The following GGT1 variants were observed in gnomAD, a reference collection of about 807,000 sequenced individuals.
GGT1 encodes glutathione hydrolase 1 proenzyme.
GGT1 carries 21 observed loss-of-function variants against 56.0 expected under a neutral mutation model. The observed-to-expected ratio is 0.38, with a 90% CI of 0.27 to 0.54. The LOEUF (loss-of-function observed/expected upper bound fraction) is 0.54. Among genes scored for constraint, GGT1 ranks in the 20% least tolerant of loss-of-function variants. The pLI is 0.82. For missense variants in GGT1, 466 were observed against 787.0 expected, an observed-to-expected ratio of 0.59 and a Z score of 4.88; for synonymous variants, 238 against 342.6, an observed-to-expected ratio of 0.69 and a Z score of 3.37.
At position 24,605,021 on chromosome 22, in the gene GGT1, G is replaced by GATATATA. The variant is rs1444676892; in HGVS notation, c.-429+1494_-429+1495insATATATA. ...CCACCTGCTGCTGTGAATCCTGTAT[G>GATATATA]TCATATATATATATAAAATATGTAA... On this transcript the variant is annotated intron_variant, in intron 1 of 15. Transcript: ENST00000400382. Among the ~76,000 whole-genome samples, 195 of 69,178 alleles carry GATATATA rather than the reference G, an allele frequency of 2.8e-3. 18 individuals carry two copies. The highest frequency in any genetic ancestry group is 0.023 in the African/African-American group (175 of 7,764). The allele number at this position is 69,178 out of a possible 152,430, so 45.4% of individuals were successfully genotyped here. A position where few individuals can be genotyped will look rare whatever the true frequency, so the allele number is the denominator to read the frequency against.
At chr22:24,622,843 G>A (rs1311243216) in intron 9 of GGT1, among the ~76,000 whole-genome samples, 6 of 152,208 alleles carry the variant, frequency 3.9e-5, no homozygotes, top group Non-Finnish European at 5.9e-5. Flanking sequence ...GCCCCAGCCC[G>A]GCTGTTGGGT....
At chr22:24,584,379 G>T in the GGT1 span, among the ~76,000 whole-genome samples, 1 of 152,132 alleles carries the variant, frequency 6.6e-6, no homozygotes, top group Admixed American at 6.5e-5. Context: ...AAAGCCTTTG[G>T]GTAAGAAGTC....
intron 1 of GGT1, among the ~76,000 whole-genome samples, chr22:24,604,079 C>A (rs1351090349): frequency 1.3e-5 from 2 of 151,896 alleles, no homozygotes; most frequent in Non-Finnish European, 2.9e-5. Flanking sequence ...ATTCCAACTC[C>A]ACGTCTGGGT....
intron 1 of GGT1, among the ~76,000 whole-genome samples, chr22:24,605,904 T>C (rs2046227030): frequency 1.2e-5 from 1 of 83,640 alleles, no homozygotes; most frequent in South Asian, 3.2e-4. Flanking sequence ...ATATATTATA[T>C]AATATTATAT....
At chr22:24,625,215 G>A (rs549671016) in intron 11 of GGT1, among the ~76,000 whole-genome samples, 5 of 152,138 alleles carry the variant, frequency 3.3e-5, no homozygotes, top group Middle Eastern at 3.2e-3. Context: ...GCAGGATGTC[G>A]GGGTGACACA....
At chr22:24,621,369 G>A (rs536655928) in intron 9 of GGT1, among the ~76,000 whole-genome samples, 4 of 152,152 alleles carry the variant, frequency 2.6e-5, no homozygotes, top group South Asian at 4.2e-4. Context: ...AGGAGGTGGC[G>A]GCTGGGCTGC....
At chr22:24,588,139 T>G in the GGT1 span, 11 of 1,144,782 alleles carry the variant, frequency 9.6e-6, no homozygotes, top group Non-Finnish European at 1.4e-5. Context: ...AGCCTCTTGG[T>G]GAGAGTGCAG....
chr22:24,588,535 C>T, the GGT1 span: 11 of 755,602 alleles, frequency 1.5e-5, no homozygotes, highest in Non-Finnish European at 2.1e-5. Context: ...CCTCTGGGAG[C>T]TGGACAGGCT....
chr22:24,615,007 G>C, intron 6 of GGT1, 34 bp from the exon 7 acceptor site: 1 of 1,586,382 alleles, frequency 6.3e-7, no homozygotes, highest in South Asian at 1.1e-5. Flanking sequence ...AAGGGTTTGG[G>C]TGGGCGGGCC....
intron 9 of GGT1, among the ~76,000 whole-genome samples, chr22:24,622,388 C>T (rs2047479508): frequency 6.6e-6 from 1 of 151,836 alleles, no homozygotes; most frequent in African/African-American, 2.4e-5. Context: ...CACAGTGAAA[C>T]CTGTCTCTAC....
the GGT1 span, among the ~76,000 whole-genome samples, chr22:24,587,132 G>A: frequency 6.6e-6 from 1 of 152,062 alleles, no homozygotes; most frequent in Admixed American, 6.6e-5. Flanking sequence ...TTTTCCCTGT[G>A]CCCCTTCTGA....
intron 10 of GGT1, among the ~76,000 whole-genome samples, chr22:24,623,470 G>A (rs1390486503): frequency 6.6e-6 from 1 of 151,364 alleles, no homozygotes; most frequent in Non-Finnish European, 1.5e-5. Flanking sequence ...GGTTGGAGGA[G>A]GAACAGGAGT....
chr22:24,613,297 C>T (rs1312891864), intron 5 of GGT1, among the ~76,000 whole-genome samples: 1 of 152,022 alleles, frequency 6.6e-6, no homozygotes, highest in Non-Finnish European at 1.5e-5. Context: ...TGGTCTTGAA[C>T]TCCTGGCCTC....
At chr22:24,595,830 A>G (rs2045683751) in intron 1 of GGT1, among the ~76,000 whole-genome samples, 1 of 152,194 alleles carries the variant, frequency 6.6e-6, no homozygotes. Flanking sequence ...CTGGCCTTGC[A>G]CTGCCTCTGG....
upstream of GGT1, among the ~76,000 whole-genome samples, chr22:24,602,548 G>C (rs140692539): frequency 3.2e-4 from 48 of 152,348 alleles, no homozygotes; most frequent in African/African-American, 1.2e-3. Flanking sequence ...GAATGGGGCA[G>C]AGCAGGTGAG....
chr22:24,590,307 T>A (rs1456091518), upstream of GGT1, among the ~76,000 whole-genome samples: 1 of 148,308 alleles, frequency 6.7e-6, no homozygotes, highest in South Asian at 2.1e-4. Context: ...AAAAAAAAAA[T>A]GTTTTGTAGA....
intron 11 of GGT1, among the ~76,000 whole-genome samples, chr22:24,626,471 C>T (rs1240718421): frequency 1.4e-5 from 2 of 147,034 alleles, no homozygotes; most frequent in African/African-American, 2.6e-5. Context: ...TCTCTCAGCC[C>T]GCCCTTGCCC....
the GGT1 span, chr22:24,585,978 C>T: frequency 6.2e-7 from 1 of 1,610,452 alleles, no homozygotes; most frequent in Non-Finnish European, 8.5e-7. Context: ...GCCGCACTGC[C>T]CTCAGGCTCA....
the GGT1 span, among the ~76,000 whole-genome samples, chr22:24,586,565 C>T: frequency 6.6e-6 from 1 of 152,228 alleles, no homozygotes; most frequent in African/African-American, 2.4e-5. Flanking sequence ...AAGTTTCGCT[C>T]TTTTTGTCCA....
Sources: allele counts gnomAD v4.1 joint callset (sites outside exome capture counted in the v4.1 genomes callset), GRCh38; gene constraint gnomAD v4.1.1; transcripts MANE v1.5; gene names NCBI Gene and HGNC (gene_info 2026-07-23, HGNC 2026-07-21).